The following VAT1L variants were observed in gnomAD, a reference collection of about 807,000 sequenced individuals.
VAT1L encodes putative NADPH-dependent quinone oxidoreductase VAT1L.
A neutral mutation model predicts 44.1 loss-of-function variants in VAT1L; 34 were observed. That is an observed-to-expected ratio of 0.77 (90% CI 0.59 to 1.03). The LOEUF is 1.03. Among genes scored for constraint, VAT1L ranks in the 50% least tolerant of loss-of-function variants. The probability of loss-of-function intolerance (pLI) is 0.00; values close to 1 mark genes in which losing one functional copy is unlikely to be tolerated. For synonymous variants in VAT1L, 253 were observed against 202.2 expected, an observed-to-expected ratio of 1.25 and a Z score of -2.13; for missense variants, 615 against 538.8, an observed-to-expected ratio of 1.14 and a Z score of -1.40.
chr16:77,931,550 G>A (rs2142502701), intron 7 of VAT1L, among the ~76,000 whole-genome samples: 1 of 152,218 alleles, frequency 6.6e-6, no homozygotes, highest in East Asian at 1.9e-4. Context: ...CCAGTTATAT[G>A]AGACGTCACC....
At position 77,908,831 on chromosome 16, in the gene VAT1L, G is replaced by C. The variant is rs552132572; in HGVS notation, c.1077+24029G>C. ...TGGGAGGCTGAGGCAGGAGCACGGC[G>C]TGAACCCGGGAGGCGGAGCTTGCAG... On this transcript the variant is annotated intron_variant, in intron 7 of 8. Transcript: ENST00000302536. 2.0e-4 allele frequency among the ~76,000 whole-genome samples: 30 copies of C among 151,878 alleles called. No homozygotes were observed. The South Asian group carries it at 5.8e-3, about 30-fold the overall frequency.
chr16:77,950,959 G>A (rs1412333994), intron 7 of VAT1L, among the ~76,000 whole-genome samples: 1 of 152,124 alleles, frequency 6.6e-6, no homozygotes, highest in Admixed American at 6.5e-5. Context: ...GTAAATTACT[G>A]GATCTAGGCA....
chr16:77,973,751 G>A (rs2142547095), intron 8 of VAT1L, among the ~76,000 whole-genome samples: 1 of 150,178 alleles, frequency 6.7e-6, no homozygotes, highest in South Asian at 2.1e-4. Context: ...TTTGAGATGG[G>A]GTCTCGCTCT....
chr16:77,788,771 G>T lies in VAT1L; in HGVS notation c.89G>T (p.Gly30Val), dbSNP rs1485819422. ...AAGGAGCCGGCGGAGGGCGGCGGCGGCGACGGCTCGCACCGCCTCGGGGAC... is the reference window on the plus strand; with the variant it reads ...AAGGAGCCGGCGGAGGGCGGCGGCGTCGACGGCTCGCACCGCCTCGGGGAC... ...AGKEPAEGGG[G>V]DGSHRLGDAQ... Residue 30 changes from glycine to valine, a missense_variant, in exon 1 of 9, where the codon GGC becomes GTC. By Grantham distance (109) the Gly-to-Val change is moderately radical. Coordinates refer to ENST00000302536, the MANE Select transcript of VAT1L (RefSeq NM_020927.3). 4 of 1,561,886 alleles carry T rather than the reference G, an allele frequency of 2.6e-6. No individual in the cohort carries two copies. The South Asian group carries it at 4.7e-5, about 18-fold the overall frequency.
At chr16:77,811,170 G>T (rs1365894610) in intron 1 of VAT1L, among the ~76,000 whole-genome samples, 1 of 152,188 alleles carries the variant, frequency 6.6e-6, no homozygotes, top group African/African-American at 2.4e-5. Flanking sequence ...CCTGAGGAAA[G>T]AACAGGATAG....
At chr16:77,936,777 G>A (rs555013433) in intron 7 of VAT1L, among the ~76,000 whole-genome samples, 1 of 152,300 alleles carries the variant, frequency 6.6e-6, no homozygotes. Context: ...GGAGAGGAAG[G>A]AGAGGGAGGA....
At chr16:77,837,132 T>C (rs1449808020) in intron 3 of VAT1L, among the ~76,000 whole-genome samples, 1 of 152,176 alleles carries the variant, frequency 6.6e-6, no homozygotes. Context: ...AAAGAAGCCC[T>C]GCCTCTGCCT....
intron 4 of VAT1L, among the ~76,000 whole-genome samples, chr16:77,865,978 A>G (rs560824087): frequency 1.3e-5 from 2 of 152,272 alleles, no homozygotes; most frequent in East Asian, 3.9e-4. Context: ...ATGTCAGAAG[A>G]ACAGAAGGCA....
intron 7 of VAT1L, among the ~76,000 whole-genome samples, chr16:77,894,419 G>A (rs1394532208): frequency 6.6e-6 from 1 of 152,154 alleles, no homozygotes; most frequent in South Asian, 2.1e-4. Flanking sequence ...GAAGGTGCAG[G>A]GAGGACAGGC....
intron 1 of VAT1L, among the ~76,000 whole-genome samples, chr16:77,806,230 G>T (rs2016156345): frequency 6.6e-6 from 1 of 151,652 alleles, no homozygotes. Context: ...CTTATTTTGA[G>T]ATGGACTCTC....
chr16:77,816,637 G>A (rs2016359823), intron 1 of VAT1L, among the ~76,000 whole-genome samples: 2 of 152,166 alleles, frequency 1.3e-5, no homozygotes, highest in Non-Finnish European at 2.9e-5. Flanking sequence ...AGAAGACAAA[G>A]GGGCCATCTC....
intron 2 of VAT1L, among the ~76,000 whole-genome samples, chr16:77,824,357 A>T (rs138642260): frequency 6.3e-4 from 96 of 152,348 alleles, no homozygotes; most frequent in African/African-American, 2.3e-3. Context: ...CAAGAAACAT[A>T]GAGCTGTCAA....
chr16:77,881,350 T>C (rs2017153335), intron 6 of VAT1L, among the ~76,000 whole-genome samples: 1 of 152,220 alleles, frequency 6.6e-6, no homozygotes, highest in Non-Finnish European at 1.5e-5. Context: ...CTTTGGGCCT[T>C]TTTGGTTCTT....
At chr16:77,790,619 A>C (rs2015816614) in intron 1 of VAT1L, among the ~76,000 whole-genome samples, 1 of 152,134 alleles carries the variant, frequency 6.6e-6, no homozygotes. Context: ...GTATACACAC[A>C]CCTATGCATA....
At chr16:77,791,153 G>A (rs149713295) in intron 1 of VAT1L, among the ~76,000 whole-genome samples, 2 of 152,202 alleles carry the variant, frequency 1.3e-5, no homozygotes, top group African/African-American at 4.8e-5. Flanking sequence ...TCTGGGCTGG[G>A]ATTGGCTGGC....
intron 7 of VAT1L, among the ~76,000 whole-genome samples, chr16:77,910,322 T>C (rs1323404390): frequency 6.6e-6 from 1 of 152,184 alleles, no homozygotes; most frequent in Non-Finnish European, 1.5e-5. Context: ...CAGGATATGT[T>C]TCACAAACAT....
intron 3 of VAT1L, among the ~76,000 whole-genome samples, chr16:77,845,219 G>A (rs2016746642): frequency 6.6e-6 from 1 of 152,162 alleles, no homozygotes; most frequent in African/African-American, 2.4e-5. Context: ...GATGCCCACA[G>A]CTCTGCCTGA....
At chr16:77,791,435 A>G (rs946599149) in intron 1 of VAT1L, among the ~76,000 whole-genome samples, 1 of 152,208 alleles carries the variant, frequency 6.6e-6, no homozygotes, top group Non-Finnish European at 1.5e-5. Context: ...AGAAATATCC[A>G]TTTTATATCA....
intron 4 of VAT1L, among the ~76,000 whole-genome samples, chr16:77,867,856 TAA>T (rs11379354): frequency 9.5e-5 from 13 of 137,196 alleles, no homozygotes; most frequent in African/African-American, 8.1e-5. Flanking sequence ...GAGACTATCT[TAA>T]AAAAAAAAAA....
Sources: gnomAD v4.1 joint callset for allele counts (sites outside exome capture counted in the v4.1 genomes callset) on GRCh38, gnomAD v4.1.1 for gene constraint, MANE v1.5 for transcripts, NCBI Gene and HGNC (gene_info 2026-07-23, HGNC 2026-07-21) for gene names.